TAFA4: variants seen among roughly 807,000 people sequenced by gnomAD.
TAFA4 encodes TAFA chemokine like family member 4, also known as chemokine-like protein TAFA-4.
TAFA4 carries 20 observed loss-of-function variants against 21.1 expected under a neutral mutation model. That is an observed-to-expected ratio of 0.95 (90% CI 0.67 to 1.38). The LOEUF (loss-of-function observed/expected upper bound fraction) is 1.38, where lower values mean the gene tolerates loss of function less well. TAFA4 is among the 40% of genes most tolerant of loss of function. The probability of loss-of-function intolerance (pLI) is 0.00; values close to 1 mark genes in which losing one functional copy is unlikely to be tolerated. For missense variants in TAFA4, 211 were observed against 180.9 expected (o/e 1.17, Z -0.95); for synonymous variants, 71 against 67.4 (o/e 1.05, Z -0.26).
intron 1 of TAFA4, among the ~76,000 whole-genome samples, chr3:68,917,630 T>C (rs1372318892): frequency 6.6e-6 from 1 of 151,858 alleles, no homozygotes; most frequent in Non-Finnish European, 1.5e-5. Flanking sequence ...GGCACATTCC[T>C]GTAATCCCAG....
At chr3:68,802,199 T>C (rs1429114663) in intron 3 of TAFA4, among the ~76,000 whole-genome samples, 2 of 152,188 alleles carry the variant, frequency 1.3e-5, no homozygotes, top group African/African-American at 4.8e-5. Flanking sequence ...ATATGCAGTT[T>C]TGCCATCTCT....
chr3:68,791,255 A>G (rs984702862), intron 3 of TAFA4, among the ~76,000 whole-genome samples: 5 of 152,252 alleles, frequency 3.3e-5, no homozygotes, highest in African/African-American at 1.2e-4. Context: ...TTCCATGTGT[A>G]ATCAAGTTAA....
chr3:68,822,687 G>T (rs1478378916), intron 3 of TAFA4, among the ~76,000 whole-genome samples: 3 of 152,066 alleles, frequency 2.0e-5, no homozygotes, highest in African/African-American at 7.2e-5. Context: ...AGGGAGGCTG[G>T]TTTCCAGCTC....
At chr3:68,918,461 A>G (rs2090026771) in intron 1 of TAFA4, among the ~76,000 whole-genome samples, 1 of 152,244 alleles carries the variant, frequency 6.6e-6, no homozygotes, top group Non-Finnish European at 1.5e-5. Context: ...CAAGAAACGA[A>G]AAAGAAGCTC....
intron 3 of TAFA4, among the ~76,000 whole-genome samples, chr3:68,827,173 A>G (rs1339637950): frequency 6.6e-6 from 1 of 151,978 alleles, no homozygotes; most frequent in Non-Finnish European, 1.5e-5. Flanking sequence ...GCTGAGAATC[A>G]TGGTTTCCAG....
rs142691785 is a variant in TAFA4 at position 68,877,350 on chromosome 3, C to T, written c.130+3380G>A. On this transcript the variant is annotated intron_variant, in intron 3 of 5. Transcript: ENST00000295569. Reference sequence around the variant, plus strand: ...CTCCAGCATAAGTGACAGAGGGAGACTCCATCTCAAAAAATTAATTGATTA... The same window carrying T: ...CTCCAGCATAAGTGACAGAGGGAGATTCCATCTCAAAAAATTAATTGATTA... 2.6e-3 allele frequency among the ~76,000 whole-genome samples: 390 copies of T among 152,230 alleles called. 1 individual carries two copies. Among genetic ancestry groups the T allele is most frequent in the African/African-American group, 8.7e-3 (361 of 41,520 alleles).
intron 3 of TAFA4, among the ~76,000 whole-genome samples, chr3:68,782,105 A>G (rs1254434746): frequency 6.6e-6 from 1 of 152,202 alleles, no homozygotes; most frequent in African/African-American, 2.4e-5. Context: ...TCTATATCTG[A>G]CAAGGGTCTA....
chr3:68,920,569 T>A (rs192520312), intron 1 of TAFA4, among the ~76,000 whole-genome samples: 40 of 152,042 alleles, frequency 2.6e-4, no homozygotes, highest in African/African-American at 9.6e-4. Flanking sequence ...AAACTCTTCA[T>A]AGTATCTGAG....
intron 3 of TAFA4, among the ~76,000 whole-genome samples, chr3:68,784,074 C>A (rs1351618197): frequency 6.6e-6 from 1 of 152,160 alleles, no homozygotes; most frequent in South Asian, 2.1e-4. Context: ...AAGGGTCACA[C>A]GTTAACAGAA....
At chr3:68,904,996 C>T (rs913451349) in intron 1 of TAFA4, among the ~76,000 whole-genome samples, 10 of 152,138 alleles carry the variant, frequency 6.6e-5, no homozygotes, top group Admixed American at 3.9e-4. Context: ...TAACCAAATG[C>T]GGAATGTAAG....
intron 3 of TAFA4, among the ~76,000 whole-genome samples, chr3:68,783,572 CTCTA>C (rs1021715851): frequency 8.6e-5 from 13 of 151,984 alleles, no homozygotes; most frequent in African/African-American, 3.1e-4. Context: ...AAAATGATGG[CTCTA>C]TCTGTTTCAG....
intron 1 of TAFA4, among the ~76,000 whole-genome samples, chr3:68,917,759 A>AAAAAAAG (rs1431196264): frequency 1.4e-5 from 2 of 148,088 alleles, no homozygotes; most frequent in African/African-American, 5.0e-5. Context: ...GTCTCAAAAA[A>AAAAAAAG]AAAAAAAAAA....
intron 3 of TAFA4, among the ~76,000 whole-genome samples, chr3:68,796,641 C>T (rs1703458717): frequency 6.6e-6 from 1 of 152,152 alleles, no homozygotes; most frequent in African/African-American, 2.4e-5. Context: ...AATTGAACTA[C>T]ATCAAAGTTT....
chr3:68,839,593 A>G (rs1559539136), intron 3 of TAFA4, among the ~76,000 whole-genome samples: 1 of 152,182 alleles, frequency 6.6e-6, no homozygotes, highest in Non-Finnish European at 1.5e-5. Flanking sequence ...GCAATTCACA[A>G]CCTTTTCACA....
At chr3:68,910,861 T>A (rs1316373295) in intron 1 of TAFA4, among the ~76,000 whole-genome samples, 2 of 152,226 alleles carry the variant, frequency 1.3e-5, no homozygotes, top group African/African-American at 4.8e-5. Context: ...CCTCATAGGT[T>A]TGTTCTAATA....
rs2106716486 is a variant in TAFA4 at position 68,732,936 on chromosome 3, T to C, written c.*206A>G. On this transcript the variant is annotated 3_prime_UTR_variant, in exon 6 of 6. Transcript: ENST00000295569. ...GAGAGGATGTCAAATGGGTGGTGGCTTGTGGTTATAATTCAATGAAATAAA... is the reference window on the plus strand; with the variant it reads ...GAGAGGATGTCAAATGGGTGGTGGCCTGTGGTTATAATTCAATGAAATAAA... The C allele has an allele frequency of 1.7e-6, 1 of 589,914 alleles. No homozygotes were observed. The highest frequency in any genetic ancestry group is 2.9e-6 in the Non-Finnish European group (1 of 344,552). 36.5% of individuals were successfully genotyped at this position (589,914 alleles called of 1,614,324 possible). A position where few individuals can be genotyped will look rare whatever the true frequency, so the allele number is the denominator to read the frequency against.
Position 68,870,583 on chromosome 3 carries a change from T to G in TAFA4, c.130+10147A>C, listed in dbSNP as rs150195922. On this transcript the variant is annotated intron_variant, in intron 3 of 5. Transcript: ENST00000295569. ...AGCCAACTCATTTTTTTAATTTTTA[T>G]TTTACTTTAAAGTTCTGGGATACAT... 1.0e-3 allele frequency among the ~76,000 whole-genome samples: 158 copies of G among 152,126 alleles called. 1 individual carries two copies. Among genetic ancestry groups the G allele is most frequent in the African/African-American group, 3.5e-3 (145 of 41,536 alleles).
At chr3:68,773,473 T>C (rs1011046174) in intron 3 of TAFA4, among the ~76,000 whole-genome samples, 20 of 152,320 alleles carry the variant, frequency 1.3e-4, no homozygotes, top group African/African-American at 3.4e-4. Context: ...TTAGGCATGA[T>C]TGATTATATC....
At chr3:68,751,410 A>G (rs1399274944) in intron 4 of TAFA4, among the ~76,000 whole-genome samples, 2 of 152,320 alleles carry the variant, frequency 1.3e-5, no homozygotes, top group South Asian at 4.1e-4. Flanking sequence ...TGGACGTAGC[A>G]GTGGGGATGG....
Sources: gnomAD v4.1 joint callset for allele counts (sites outside exome capture counted in the v4.1 genomes callset) on GRCh38, gnomAD v4.1.1 for gene constraint, MANE v1.5 for transcripts, NCBI Gene and HGNC (gene_info 2026-07-23, HGNC 2026-07-21) for gene names.